Variants in RNF150 observed in about 807,000 individuals in gnomAD.
RNF150 encodes ring finger protein 150.
In RNF150, 24 loss-of-function variants were observed where a neutral mutation model predicts 39.3. The observed-to-expected ratio is 0.61, with a 90% CI of 0.44 to 0.86. The LOEUF is 0.86. RNF150 is among the 40% of genes least tolerant of loss of function. The pLI is 0.00. For missense variants in RNF150, 502 were observed against 587.8 expected (o/e 0.85, Z 1.51); for synonymous variants, 255 against 227.3 (o/e 1.12, Z -1.10).
intron 6 of RNF150, among the ~76,000 whole-genome samples, chr4:140,889,887 G>T (rs879364442): frequency 2.0e-5 from 3 of 152,060 alleles, no homozygotes; most frequent in Non-Finnish European, 2.9e-5. Flanking sequence ...TGCCTGCATT[G>T]CCCCAAGATT....
At chr4:141,192,399 C>T (rs1728125354) in intron 1 of RNF150, among the ~76,000 whole-genome samples, 1 of 152,190 alleles carries the variant, frequency 6.6e-6, no homozygotes, top group Non-Finnish European at 1.5e-5. Flanking sequence ...GGAACAATCT[C>T]TGCTTCATGG....
At chr4:140,913,415 C>G (rs13136869) in intron 5 of RNF150, among the ~76,000 whole-genome samples, 150,843 of 152,268 alleles carry the variant, frequency 0.99, 74,738 homozygotes, top group Middle Eastern at 1. Context: ...TGAAGACAGA[C>G]AGCACACCAT....
intron 1 of RNF150, among the ~76,000 whole-genome samples, chr4:140,993,393 C>A (rs903298507): frequency 6.6e-6 from 1 of 152,182 alleles, no homozygotes; most frequent in Non-Finnish European, 1.5e-5. Context: ...CCAGAATAAT[C>A]TCCTCATCTC....
chr4:140,973,601 G>C (rs1423648195), intron 1 of RNF150, among the ~76,000 whole-genome samples: 1 of 152,046 alleles, frequency 6.6e-6, no homozygotes, highest in Non-Finnish European at 1.5e-5. Flanking sequence ...AACATGCCGG[G>C]CATGGTGGCT....
intron 6 of RNF150, among the ~76,000 whole-genome samples, chr4:140,869,927 C>T (rs1728863188): frequency 6.6e-6 from 1 of 152,002 alleles, no homozygotes; most frequent in Admixed American, 6.6e-5. Context: ...CTTTCTCTTA[C>T]TTTGCAGAAG....
intron 3 of RNF150, among the ~76,000 whole-genome samples, chr4:140,947,972 A>G (rs1323311864): frequency 2.0e-5 from 3 of 152,212 alleles, no homozygotes; most frequent in Non-Finnish European, 4.4e-5. Flanking sequence ...CTAAAGTACA[A>G]TTACTAACAA....
At position 141,052,298 on chromosome 4, in the gene RNF150, C is replaced by A. The variant is rs150005046; in HGVS notation, c.484+80027G>T. On this transcript the variant is annotated intron_variant, in intron 1 of 6. Coordinates refer to ENST00000515673, the MANE Select transcript of RNF150 (RefSeq NM_020724.2). ...TTTCACAATAACTTTTCCCCATAAT[C>A]CTCAACATTGTAAATATTAAACAGT... Among the ~76,000 whole-genome samples, 38 of 152,296 alleles carry A rather than the reference C, an allele frequency of 2.5e-4. No individual in the cohort carries two copies. In the East Asian group the frequency reaches 7.3e-3, roughly 29 times the overall value.
intron 1 of RNF150, among the ~76,000 whole-genome samples, chr4:141,077,410 C>T (rs955034953): frequency 3.9e-5 from 6 of 152,086 alleles, no homozygotes; most frequent in Non-Finnish European, 7.3e-5. Flanking sequence ...TGACTGCAAA[C>T]GGGCAGCACA....
At chr4:141,201,159 G>A (rs370627450) in intron 1 of RNF150, among the ~76,000 whole-genome samples, 20 of 151,976 alleles carry the variant, frequency 1.3e-4, no homozygotes, top group African/African-American at 3.9e-4. Flanking sequence ...TGAAGCAGAC[G>A]AATGTTCTGG....
At chr4:141,020,996 G>T (rs187435524) in intron 1 of RNF150, among the ~76,000 whole-genome samples, 22 of 152,298 alleles carry the variant, frequency 1.4e-4, no homozygotes, top group African/African-American at 5.3e-4. Context: ...CCTCAGAATA[G>T]AACTGGGCTC....
intron 6 of RNF150, among the ~76,000 whole-genome samples, chr4:140,900,568 C>A (rs1406099978): frequency 6.6e-6 from 1 of 152,148 alleles, no homozygotes; most frequent in East Asian, 1.9e-4. Context: ...TGAAGACGAG[C>A]AAGGTGATGT....
rs57369894 is a variant in RNF150, at chr4:140,948,819, A to G, written c.807+482T>C. Among the ~76,000 whole-genome samples the G allele has an allele frequency of 8.9e-3, 1,350 of 152,340 alleles. 23 individuals are homozygous for G. The highest frequency in any genetic ancestry group is 0.031 in the African/African-American group (1,297 of 41,580). On this transcript the variant is annotated intron_variant, in intron 3 of 6. Coordinates refer to ENST00000515673, the MANE Select transcript of RNF150 (RefSeq NM_020724.2). ...TATACTGTAGACAAGTGGAGAACATAGCTCAGCACATAAAGCTGTCTTGCT... is the reference window on the plus strand; with the variant it reads ...TATACTGTAGACAAGTGGAGAACATGGCTCAGCACATAAAGCTGTCTTGCT...
intron 6 of RNF150, among the ~76,000 whole-genome samples, chr4:140,889,281 T>C (rs1230576495): frequency 6.6e-6 from 1 of 152,232 alleles, no homozygotes; most frequent in Non-Finnish European, 1.5e-5. Context: ...TTAAAAATCT[T>C]ATCCCTCCTG....
At chr4:141,167,838 C>T (rs1680839959) in intron 1 of RNF150, among the ~76,000 whole-genome samples, 2 of 152,102 alleles carry the variant, frequency 1.3e-5, no homozygotes, top group Admixed American at 1.3e-4. Flanking sequence ...AACATAAAAC[C>T]TCTAGAAGAA....
intron 1 of RNF150, among the ~76,000 whole-genome samples, chr4:141,089,274 G>C (rs1443357608): frequency 1.3e-5 from 2 of 152,058 alleles, no homozygotes; most frequent in Non-Finnish European, 2.9e-5. Flanking sequence ...AGAGATAATA[G>C]GTAGGATTCC....
At chr4:141,044,157 C>T (rs1736473679) in intron 1 of RNF150, among the ~76,000 whole-genome samples, 1 of 152,150 alleles carries the variant, frequency 6.6e-6, no homozygotes, top group African/African-American at 2.4e-5. Flanking sequence ...ATATCAAACA[C>T]ATTAGAGAGG....
intron 1 of RNF150, among the ~76,000 whole-genome samples, chr4:141,124,715 G>A (rs1448259357): frequency 6.6e-6 from 1 of 152,126 alleles, no homozygotes; most frequent in Admixed American, 6.5e-5. Context: ...TGTGTAAGTG[G>A]AATCTGCCCA....
At chr4:141,050,018 T>C (rs1324049897) in intron 1 of RNF150, among the ~76,000 whole-genome samples, 1 of 152,044 alleles carries the variant, frequency 6.6e-6, no homozygotes, top group Non-Finnish European at 1.5e-5. Context: ...TAAGATTGAA[T>C]GCTATCCCAC....
intron 4 of RNF150, among the ~76,000 whole-genome samples, chr4:140,938,439 T>A (rs928379041): frequency 1.3e-5 from 2 of 152,154 alleles, no homozygotes; most frequent in African/African-American, 4.8e-5. Context: ...GCCTCGGTTG[T>A]CATTAAGGAT....
Sources: gnomAD v4.1 joint callset for allele counts (sites outside exome capture counted in the v4.1 genomes callset) on GRCh38, gnomAD v4.1.1 for gene constraint, MANE v1.5 for transcripts, NCBI Gene and HGNC (gene_info 2026-07-23, HGNC 2026-07-21) for gene names.